Variants in SEL1L3 observed in about 807,000 individuals in gnomAD.
SEL1L3 encodes the protein SEL1L family member 3.
Under a neutral mutation model 142.8 loss-of-function variants are expected in SEL1L3, and 76 were observed. The ratio of observed to expected loss-of-function variants is 0.53; its 90% CI spans 0.44 to 0.64. SEL1L3 has a LOEUF of 0.64. SEL1L3 is among the 30% of genes least tolerant of loss of function. The probability of loss-of-function intolerance (pLI) is 0.00; values close to 1 mark genes in which losing one functional copy is unlikely to be tolerated. For missense variants in SEL1L3, 1,262 were observed against 1,381.7 expected (o/e 0.91, Z 1.37); for synonymous variants, 504 against 519.6 (o/e 0.97, Z 0.41).
At chr4:25,741,108 C>CT in the SEL1L3 span, among the ~76,000 whole-genome samples, 10,558 of 125,094 alleles carry the variant, frequency 0.084, 466 homozygotes, top group African/African-American at 0.14. Context: ...TGCTTTCTTT[C>CT]TTTTTTTTTT....
upstream of SEL1L3, among the ~76,000 whole-genome samples, chr4:25,863,209 C>A (rs1452930278): frequency 9.2e-6 from 1 of 109,068 alleles, no homozygotes; most frequent in Admixed American, 8.5e-5. Context: ...CCGCCCGGGT[C>A]GCTGGGCCCC....
chr4:25,715,933 G>A, the SEL1L3 span, among the ~76,000 whole-genome samples: 6 of 152,162 alleles, frequency 3.9e-5, no homozygotes, highest in African/African-American at 1.4e-4. Context: ...GTGATTTGAA[G>A]AGGCAGAGAA....
rs750840320 is a variant in SEL1L3 at position 25,779,182 on chromosome 4, G to A, written c.2479C>T (p.His827Tyr). 1 of 1,613,396 alleles carries A rather than the reference G, an allele frequency of 6.2e-7. No homozygotes were observed. The change falls in exon 16 of 24, where the codon CAT becomes TAT. Residue 827 changes from histidine to tyrosine, a missense_variant. By Grantham distance (83) the His-to-Tyr change is moderately conservative. Around this residue, in one of 3 missense-constraint regions of SEL1L3, gnomAD observed 435 missense variants for 559.2 expected, o/e 0.78. Transcript: ENST00000399878. Reference protein sequence around the residue: ...RNQTLAGEYFHKAAQGGHMEG... With the variant: ...RNQTLAGEYFYKAAQGGHMEG... ...ATGTGTCCACCTTGCGCAGCCTTAT[G>A]GAAATATTCACCAGCTAAAGTCTGT...
At chr4:25,781,071 CT>C (rs1719967772) in intron 15 of SEL1L3, among the ~76,000 whole-genome samples, 1 of 151,822 alleles carries the variant, frequency 6.6e-6, no homozygotes. Context: ...TCTTGAACTC[CT>C]GAGCTCAAGT....
chr4:25,767,958 T>C (rs1718870501), intron 17 of SEL1L3, 128 bp from the exon 18 acceptor site: 1 of 629,060 alleles, frequency 1.6e-6, no homozygotes, highest in South Asian at 2.1e-5. Context: ...AAATCGTGAG[T>C]TTTTTTAAAA....
chr4:25,736,389 A>C, the SEL1L3 span, among the ~76,000 whole-genome samples: 97 of 151,524 alleles, frequency 6.4e-4, no homozygotes, highest in African/African-American at 2.2e-3. Context: ...ACGCCTAGCT[A>C]ATTTTTGTAT....
intron 11 of SEL1L3, among the ~76,000 whole-genome samples, chr4:25,791,566 T>C (rs1239820133): frequency 2.6e-5 from 4 of 152,070 alleles, no homozygotes; most frequent in East Asian, 1.9e-4. Flanking sequence ...CACAGGCAGA[T>C]GGTGAAAAAA....
chr4:25,862,332 C>A (rs1326505403), intron 1 of SEL1L3, among the ~76,000 whole-genome samples: 6 of 146,588 alleles, frequency 4.1e-5, no homozygotes, highest in Admixed American at 4.1e-4. Context: ...CTGGAGACTG[C>A]GCGCGGCGGG....
intron 17 of SEL1L3, among the ~76,000 whole-genome samples, chr4:25,774,015 T>G (rs1719423521): frequency 3.3e-5 from 5 of 152,212 alleles, no homozygotes; most frequent in Admixed American, 3.3e-4. Context: ...GCTATAATTG[T>G]TCCCTCTATT....
chr4:25,780,378 T>C (rs1719914391), intron 15 of SEL1L3, among the ~76,000 whole-genome samples: 1 of 152,140 alleles, frequency 6.6e-6, no homozygotes, highest in Admixed American at 6.6e-5. Context: ...CGTTGCCCCA[T>C]TGAACATTGC....
chr4:25,814,696 G>T (rs990394524), intron 9 of SEL1L3, among the ~76,000 whole-genome samples: 1 of 152,108 alleles, frequency 6.6e-6, no homozygotes, highest in African/African-American at 2.4e-5. Context: ...CGGCGATAGC[G>T]TCACACTCGT....
Position 25,784,211 on chromosome 4 carries a change from C to T in SEL1L3, c.2280+17G>A, listed in dbSNP as rs773682697. ...GTGTGGTGGAACTGTTTCCCTCTGA[C>T]AATATGCATGTGTTACCTTGGAAGC... On this transcript the variant is annotated intron_variant, in intron 14 of 23. Transcript: ENST00000399878. 6.2e-7 allele frequency: 1 copy of T among 1,603,174 alleles called. No individual in the cohort carries two copies. Among genetic ancestry groups the T allele is most frequent in the South Asian group, 1.1e-5 (1 of 90,862 alleles).
At chr4:25,808,968 G>C in intron 9 of SEL1L3, among the ~76,000 whole-genome samples, 1 of 149,808 alleles carries the variant, frequency 6.7e-6, no homozygotes, top group Non-Finnish European at 1.5e-5. Context: ...ATCTACTTGG[G>C]AGGGTGAGGC....
the SEL1L3 span, among the ~76,000 whole-genome samples, chr4:25,729,030 A>C: frequency 6.8e-6 from 1 of 146,308 alleles, no homozygotes; most frequent in African/African-American, 2.7e-5. Flanking sequence ...CACTGTCACC[A>C]GACGTTTTTT....
chr4:25,858,501 C>A (rs751584477), intron 1 of SEL1L3, among the ~76,000 whole-genome samples: 3 of 152,206 alleles, frequency 2.0e-5, no homozygotes, highest in African/African-American at 7.2e-5. Context: ...GTCACAGCCG[C>A]TGTCTGCTAA....
At chr4:25,842,210 CA>C (rs1716211083) in intron 2 of SEL1L3, among the ~76,000 whole-genome samples, 1 of 151,086 alleles carries the variant, frequency 6.6e-6, no homozygotes, top group Non-Finnish European at 1.5e-5. Flanking sequence ...TTCTGATGGC[CA>C]GCATTTATGA....
intron 9 of SEL1L3, among the ~76,000 whole-genome samples, chr4:25,810,222 T>C (rs752580868): frequency 7.9e-5 from 12 of 152,182 alleles, no homozygotes; most frequent in African/African-American, 2.7e-4. Flanking sequence ...AAGGAATAAA[T>C]AGGCCTGGCC....
At chr4:25,768,546 C>T (rs557043459) in intron 17 of SEL1L3, among the ~76,000 whole-genome samples, 1 of 152,266 alleles carries the variant, frequency 6.6e-6, no homozygotes, top group African/African-American at 2.4e-5. Flanking sequence ...TAAGAATGTA[C>T]ATACCATGTG....
chr4:25,845,991 T>C (rs1716479654), intron 2 of SEL1L3, among the ~76,000 whole-genome samples: 1 of 152,132 alleles, frequency 6.6e-6, no homozygotes, highest in Non-Finnish European at 1.5e-5. Flanking sequence ...CCGCAGATCC[T>C]GACTAAGTAG....
Sources: allele counts gnomAD v4.1 joint callset (sites outside exome capture counted in the v4.1 genomes callset), GRCh38; gene constraint gnomAD v4.1.1; regional missense constraint gnomAD v4.1.1; transcripts MANE v1.5; gene names NCBI Gene and HGNC (gene_info 2026-07-23, HGNC 2026-07-21).